Variants in AGAP1 observed in about 807,000 individuals in gnomAD.
AGAP1 encodes the protein ArfGAP with GTPase domain, ankyrin repeat and PH domain 1.
AGAP1 carries 29 observed loss-of-function variants against 105.3 expected under a neutral mutation model. The ratio of observed to expected loss-of-function variants is 0.28; its 90% CI spans 0.21 to 0.38. The LOEUF (loss-of-function observed/expected upper bound fraction) is 0.38. Among genes scored for constraint, AGAP1 ranks in the 10% least tolerant of loss-of-function variants. The pLI, the probability that AGAP1 is intolerant of heterozygous loss-of-function variation, is 1.00. For synonymous variants in AGAP1, 509 were observed against 485.9 expected (o/e 1.05, Z -0.63); for missense variants, 998 against 1,165.1 (o/e 0.86, Z 2.09).
intron 1 of AGAP1, among the ~76,000 whole-genome samples, chr2:235,528,886 A>AG (rs11412523): frequency 1 from 152,307 of 152,308 alleles, 76,153 homozygotes; most frequent in Non-Finnish European, 1. Flanking sequence ...TGTGTTGGTC[A>AG]GCTGGTCTCA....
chr2:235,670,809 G>A (rs1424419829), intron 1 of AGAP1: 2 of 1,396,596 alleles, frequency 1.4e-6, no homozygotes, highest in Non-Finnish European at 1.9e-6. Flanking sequence ...AGCAAGAACC[G>A]CACGCTGGAC....
chr2:235,695,641 A>G (rs1575152604), intron 1 of AGAP1, among the ~76,000 whole-genome samples: 1 of 152,184 alleles, frequency 6.6e-6, no homozygotes. Context: ...CTGTAAGCAT[A>G]CATATTGGCA....
rs1368908576 is a variant in AGAP1 at position 235,867,823 on chromosome 2, C to T, written c.1051-15522C>T. Among the ~76,000 whole-genome samples the T allele has an allele frequency of 6.6e-6, 1 of 152,138 alleles. No homozygotes were observed. The highest frequency in any genetic ancestry group is 1.5e-5 in the Non-Finnish European group (1 of 68,032). On this transcript the variant is annotated intron_variant, in intron 9 of 17. Coordinates refer to ENST00000304032, the MANE Select transcript of AGAP1 (RefSeq NM_001037131.3). The surrounding 1 kb of genome is among the most constrained non-coding windows in gnomAD (Gnocchi z 5.4). Reference sequence around the variant, plus strand: ...GCCGTGGGGGAAGAATAGGTCACAGCTTGTATGACCCGTGTGCTTCTCCAG... The same window carrying T: ...GCCGTGGGGGAAGAATAGGTCACAGTTTGTATGACCCGTGTGCTTCTCCAG...
At chr2:235,808,125 C>G (rs944663005) in intron 9 of AGAP1, among the ~76,000 whole-genome samples, 1 of 152,016 alleles carries the variant, frequency 6.6e-6, no homozygotes, top group African/African-American at 2.4e-5. Context: ...AGTTCAACCC[C>G]ACACAGTGGC....
chr2:236,106,185 C>T (rs1407549044), intron 16 of AGAP1, among the ~76,000 whole-genome samples: 2 of 152,246 alleles, frequency 1.3e-5, no homozygotes, highest in African/African-American at 2.4e-5. Flanking sequence ...AATTTCAAAG[C>T]ACATACCGGA....
chr2:236,101,098 T>C lies in AGAP1; in HGVS notation c.2115-19094T>C, dbSNP rs1309557311. Among the ~76,000 whole-genome samples, 2 of 152,134 alleles carry C rather than the reference T, an allele frequency of 1.3e-5. No individual in the cohort carries two copies. The highest frequency in any genetic ancestry group is 4.8e-5 in the African/African-American group (2 of 41,434). On this transcript the variant is annotated intron_variant, in intron 16 of 17. Transcript: ENST00000304032. The surrounding 1 kb of genome is among the most constrained non-coding windows in gnomAD (Gnocchi z 4.9). ...AGCATGTTTCCATGTTTTCATATTT[T>C]GAAAAAAGTCAAAATCCAAATTGAT...
chr2:235,557,745 C>G lies in AGAP1; in HGVS notation c.163+62896C>G, dbSNP rs1226569047. ...AGAGTGGGCACTTCAGGTCCCGCTC[C>G]ATGGCCGTGTGCACCTTCATGGTAC... On this transcript the variant is annotated intron_variant, in intron 1 of 17. Transcript: ENST00000304032. This position sits in a 1 kb window ranked among gnomAD's most constrained non-coding sequence, Gnocchi z 4.7. 6.6e-6 allele frequency among the ~76,000 whole-genome samples: 1 copy of G among 152,190 alleles called. No individual in the cohort carries two copies. The highest frequency in any genetic ancestry group is 1.5e-5 in the Non-Finnish European group (1 of 68,038).
At chr2:236,039,708 C>T (rs2057488748) in intron 14 of AGAP1, among the ~76,000 whole-genome samples, 1 of 152,050 alleles carries the variant, frequency 6.6e-6, no homozygotes. Flanking sequence ...GAGCAATGAA[C>T]AAGTTTCGTT....
chr2:235,816,437 CAAAAAA>C (rs79795818), intron 9 of AGAP1, among the ~76,000 whole-genome samples: 3 of 97,922 alleles, frequency 3.1e-5, no homozygotes, highest in East Asian at 6.5e-4. Flanking sequence ...GACTCCGTCT[CAAAAAA>C]AAAAAAAAAA....
chr2:235,534,839 T>C (rs1489132259), intron 1 of AGAP1, among the ~76,000 whole-genome samples: 1 of 152,126 alleles, frequency 6.6e-6, no homozygotes, highest in Non-Finnish European at 1.5e-5. Flanking sequence ...AGTAGCAGTC[T>C]ACATCTTTAG....
rs1412408000 is a variant in AGAP1 at position 235,494,635 on chromosome 2, CGCGGGGCGGCGGCG to C, written c.-45_-32del. On this transcript the variant is annotated 5_prime_UTR_variant, in exon 1 of 18. Coordinates refer to ENST00000304032, the MANE Select transcript of AGAP1 (RefSeq NM_001037131.3). ...GCTCGGCGGCCCGCGGGCCCCGGGG[CGCGGGGCGGCGGCG>C]GCGGGGGGCGCGCGGCTCCGGGCGC... The C allele has an allele frequency of 1.0e-6, 1 of 966,952 alleles. No homozygotes were observed. Among genetic ancestry groups the C allele is most frequent in the African/African-American group, 1.8e-5 (1 of 55,382 alleles). The allele number at this position is 966,952 out of a possible 1,614,324, so 59.9% of individuals were successfully genotyped here. A position where few individuals can be genotyped will look rare whatever the true frequency, so the allele number is the denominator to read the frequency against.
chr2:236,073,458 C>T lies in AGAP1; in HGVS notation c.2114+24177C>T, dbSNP rs2058557726. Among the ~76,000 whole-genome samples the T allele has an allele frequency of 6.6e-6, 1 of 152,104 alleles. No individual in the cohort carries two copies. The highest frequency in any genetic ancestry group is 1.5e-5 in the Non-Finnish European group (1 of 68,034). The stretch of plus-strand genomic sequence containing the variant: ...TATCAGGACAGGAGTTACATTTGCC[C>T]TATCAGCTTGCAAAACATGCTGCAA... On this transcript the variant is annotated intron_variant, in intron 16 of 17. Transcript: ENST00000304032. The surrounding 1 kb of genome is among the most constrained non-coding windows in gnomAD (Gnocchi z 5.4).
chr2:236,049,373 C>T, intron 16 of AGAP1, 92 bp downstream of exon 16: 1 of 1,152,732 alleles, frequency 8.7e-7, no homozygotes, highest in South Asian at 1.4e-5. Context: ...GTTGGGAAGG[C>T]CCTGATAACC....
intron 11 of AGAP1, among the ~76,000 whole-genome samples, chr2:235,911,073 A>G (rs886772915): frequency 1.3e-5 from 2 of 152,224 alleles, no homozygotes; most frequent in Non-Finnish European, 2.9e-5. Context: ...ATTGAGTTTC[A>G]TTTTTATAAT....
intron 1 of AGAP1, among the ~76,000 whole-genome samples, chr2:235,537,157 C>G (rs936119858): frequency 5.3e-5 from 8 of 152,198 alleles, no homozygotes; most frequent in Non-Finnish European, 7.3e-5. Context: ...ACAATAAGCA[C>G]AATTTAGTAA....
At chr2:235,896,712 T>G (rs1453666228) in intron 10 of AGAP1, among the ~76,000 whole-genome samples, 3 of 152,212 alleles carry the variant, frequency 2.0e-5, no homozygotes, top group Non-Finnish European at 4.4e-5. Flanking sequence ...TTTGAAAGAA[T>G]GTGATCAGTT....
Position 235,962,462 on chromosome 2 carries a change from C to T in AGAP1, c.1484-6000C>T, listed in dbSNP as rs938758331. On this transcript the variant is annotated intron_variant, in intron 12 of 17. Coordinates refer to ENST00000304032, the MANE Select transcript of AGAP1 (RefSeq NM_001037131.3). This position sits in a 1 kb window ranked among gnomAD's most constrained non-coding sequence, Gnocchi z 5.3. ...AACCGTGGGATGTGAGCGGGTTGGA[C>T]GTCAGATGGCATGGAACTCAGGGCA... is the stretch of plus-strand genomic sequence containing the variant. 1.3e-5 allele frequency among the ~76,000 whole-genome samples: 2 copies of T among 151,866 alleles called. No individual in the cohort carries two copies. Among genetic ancestry groups the T allele is most frequent in the Admixed American group, 6.6e-5 (1 of 15,244 alleles).
At position 235,866,930 on chromosome 2, in the gene AGAP1, G is replaced by A. The variant is rs1370192675; in HGVS notation, c.1051-16415G>A. Among the ~76,000 whole-genome samples, 1 of 152,232 alleles carries A rather than the reference G, an allele frequency of 6.6e-6. No homozygotes were observed. The highest frequency in any genetic ancestry group is 1.5e-5 in the Non-Finnish European group (1 of 68,034). On this transcript the variant is annotated intron_variant, in intron 9 of 17. Coordinates refer to ENST00000304032, the MANE Select transcript of AGAP1 (RefSeq NM_001037131.3). This position sits in a 1 kb window ranked among gnomAD's most constrained non-coding sequence, Gnocchi z 6.1. The stretch of plus-strand genomic sequence containing the variant: ...TCTGTAAAGGCCCTGACTCCAAATA[G>A]AGTCACATCGTGAGTGCTGGGCGTT...
At chr2:235,581,751 G>C (rs1944941191) in intron 1 of AGAP1, among the ~76,000 whole-genome samples, 1 of 152,114 alleles carries the variant, frequency 6.6e-6, no homozygotes, top group African/African-American at 2.4e-5. Context: ...GTTGCAGTGA[G>C]CCGAGATCGT....
Sources: allele counts gnomAD v4.1 joint callset (sites outside exome capture counted in the v4.1 genomes callset), GRCh38; gene constraint gnomAD v4.1.1; non-coding constraint Gnocchi (gnomAD v3.1); transcripts MANE v1.5; gene names NCBI Gene and HGNC (gene_info 2026-07-23, HGNC 2026-07-21).